DISP1: variants seen among roughly 807,000 people sequenced by gnomAD.
DISP1 encodes the protein dispatched RND transporter family member 1.
A neutral mutation model predicts 37.3 loss-of-function variants in DISP1; 30 were observed. The ratio of observed to expected loss-of-function variants is 0.80; its 90% confidence interval spans 0.60 to 1.09. DISP1 has a LOEUF of 1.09. Among genes scored for constraint, DISP1 ranks in the 50% least tolerant of loss-of-function variants. DISP1 has a pLI of 0.00. For missense variants in DISP1, 1,598 were observed against 1,879.5 expected, an observed-to-expected ratio of 0.85 and a Z score of 2.77; for synonymous variants, 634 against 690.2, an observed-to-expected ratio of 0.92 and a Z score of 1.28.
intron 3 of DISP1, among the ~76,000 whole-genome samples, chr1:222,981,651 G>A (rs1677847833): frequency 6.6e-6 from 1 of 152,186 alleles, no homozygotes; most frequent in South Asian, 2.1e-4. Context: ...AATGTAAATG[G>A]AGAGAGAAAA....
In DISP1 at chr1:222,982,730, G is replaced by A. The variant is rs566883919; in HGVS notation, c.510-350G>A. ...GAAGCAGCTTAGATTGGAGACTGAGGGATGTGGATTCCTGTTAGGGGAGAG... is the reference window on the plus strand; with the variant it reads ...GAAGCAGCTTAGATTGGAGACTGAGAGATGTGGATTCCTGTTAGGGGAGAG... On this transcript the variant is annotated intron_variant, in intron 3 of 8. Coordinates refer to ENST00000675850, the MANE Select transcript of DISP1 (RefSeq NM_001377229.1). Among the ~76,000 whole-genome samples, 134 of 152,248 alleles carry A rather than the reference G, an allele frequency of 8.8e-4. 1 individual carries two copies. The highest frequency in any genetic ancestry group is 1.5e-3 in the Non-Finnish European group (103 of 67,998).
At chr1:222,924,177 A>AT (rs930006287) in intron 1 of DISP1, among the ~76,000 whole-genome samples, 16 of 151,978 alleles carry the variant, frequency 1.1e-4, no homozygotes, top group Admixed American at 2.6e-4. Context: ...CATCCCTTGA[A>AT]TTTTTTTTGT....
At chr1:222,974,799 G>A (rs1275831173) in intron 3 of DISP1, among the ~76,000 whole-genome samples, 1 of 152,210 alleles carries the variant, frequency 6.6e-6, no homozygotes, top group African/African-American at 2.4e-5. Flanking sequence ...GAGCCCAAGT[G>A]TGCCAGTGAT....
intron 1 of DISP1, among the ~76,000 whole-genome samples, chr1:222,918,212 C>T (rs1672603438): frequency 6.6e-6 from 1 of 152,152 alleles, no homozygotes; most frequent in Non-Finnish European, 1.5e-5. Flanking sequence ...CATATTGATT[C>T]CCTCTCCCCA....
At chr1:222,995,033 T>C (rs769551686) in intron 8 of DISP1, 51 bp downstream of exon 8, 7 of 1,407,146 alleles carry the variant, frequency 5.0e-6, no homozygotes, top group South Asian at 1.1e-5. Context: ...GGTTGTATTA[T>C]TGAAACTCCT....
At chr1:222,963,392 T>C (rs1264499457) in intron 3 of DISP1, among the ~76,000 whole-genome samples, 3 of 152,110 alleles carry the variant, frequency 2.0e-5, no homozygotes, top group Admixed American at 6.5e-5. Flanking sequence ...AAACCAGAAA[T>C]ACCATTTGAC....
chr1:222,939,815 A>T (rs1347791337), intron 2 of DISP1, among the ~76,000 whole-genome samples: 5 of 147,068 alleles, frequency 3.4e-5, no homozygotes, highest in African/African-American at 7.6e-5. Flanking sequence ...CCTGGGCAAC[A>T]GATGGAGATC....
At chr1:222,838,641 G>A (rs1667399494) in intron 1 of DISP1, among the ~76,000 whole-genome samples, 1 of 152,156 alleles carries the variant, frequency 6.6e-6, no homozygotes, top group African/African-American at 2.4e-5. Flanking sequence ...GTGCATTGGT[G>A]CATGTCTGTA....
At chr1:222,838,928 A>G (rs913681834) in intron 1 of DISP1, among the ~76,000 whole-genome samples, 1 of 151,818 alleles carries the variant, frequency 6.6e-6, no homozygotes, top group African/African-American at 2.4e-5. Context: ...TTGTTTTTCT[A>G]TTTGATTTGG....
At chr1:222,988,300 G>A (rs1678421084) in intron 4 of DISP1, among the ~76,000 whole-genome samples, 1 of 152,188 alleles carries the variant, frequency 6.6e-6, no homozygotes, top group South Asian at 2.1e-4. Context: ...TTTGTGGCAA[G>A]TGTAGTTATT....
At chr1:222,970,040 G>A (rs1409818560) in intron 3 of DISP1, among the ~76,000 whole-genome samples, 2 of 152,160 alleles carry the variant, frequency 1.3e-5, no homozygotes, top group Admixed American at 6.5e-5. Context: ...TTCTGAGATA[G>A]TAAATGAGAA....
At chr1:222,857,106 A>T (rs911196457) in intron 1 of DISP1, among the ~76,000 whole-genome samples, 4 of 152,162 alleles carry the variant, frequency 2.6e-5, no homozygotes, top group Non-Finnish European at 4.4e-5. Context: ...TTGCATTTTA[A>T]AATGTCTTAA....
At chr1:222,982,928 A>G (rs1677940748) in intron 3 of DISP1, 152 bp from the exon 4 acceptor site, 7 of 661,524 alleles carry the variant, frequency 1.1e-5, no homozygotes, top group African/African-American at 6.2e-5. Flanking sequence ...AAATCTCTCA[A>G]ATAGATTGCC....
chr1:222,937,132 C>T (rs1045733636), intron 2 of DISP1, among the ~76,000 whole-genome samples: 1 of 144,816 alleles, frequency 6.9e-6, no homozygotes, highest in Non-Finnish European at 1.5e-5. Flanking sequence ...CTCTGTCGCC[C>T]AGGCTGGAGT....
intron 1 of DISP1, among the ~76,000 whole-genome samples, chr1:222,901,390 A>G (rs2125404951): frequency 6.6e-6 from 1 of 152,360 alleles, no homozygotes; most frequent in Middle Eastern, 3.4e-3. Context: ...AATAGATGAC[A>G]AAGGCAATGG....
At position 223,002,676 on chromosome 1, in the gene DISP1, A is replaced by G; in HGVS notation, c.1279A>G (p.Ile427Val). 6.2e-7 allele frequency: 1 copy of G among 1,614,146 alleles called. No homozygotes were observed. Among genetic ancestry groups the G allele is most frequent in the Non-Finnish European group, 8.5e-7 (1 of 1,180,040 alleles). Residue 427 changes from isoleucine to valine, a missense_variant, in exon 9 of 9, where the codon ATC becomes GTC. Transcript: ENST00000675850. ...TACCAAGTACAATGCTGTGTACCAGATCCTCCATTACTTGGTGGACAAAGA... is the reference window on the plus strand; with the variant it reads ...TACCAAGTACAATGCTGTGTACCAGGTCCTCCATTACTTGGTGGACAAAGA... ...KCTKYNAVYQ[I>V]LHYLVDKDFM...
chr1:222,963,697 T>C (rs542160568), intron 3 of DISP1, among the ~76,000 whole-genome samples: 90 of 151,056 alleles, frequency 6.0e-4, no homozygotes, highest in African/African-American at 2.1e-3. Flanking sequence ...TTCTCACTCA[T>C]AAATGGGAGT....
intron 2 of DISP1, among the ~76,000 whole-genome samples, chr1:222,939,267 A>G (rs1438749902): frequency 3.3e-5 from 5 of 151,974 alleles, no homozygotes; most frequent in Admixed American, 1.3e-4. Flanking sequence ...ATAAGAATCT[A>G]TTTAACTCTT....
Position 223,003,116 on chromosome 1 carries a change from T to C in DISP1, c.1719T>C (p.Asp573=). Residue 573 remains aspartate (D), a synonymous_variant, in exon 9 of 9, where the codon GAT becomes GAC. Coordinates refer to ENST00000675850, the MANE Select transcript of DISP1 (RefSeq NM_001377229.1). The surrounding 1 kb of genome is among the most constrained non-coding windows in gnomAD (Gnocchi z 4.3). ...LIILVGIGAD[D]AFVLCDVWNY... is the part of the protein sequence containing the mutation. The stretch of plus-strand genomic sequence containing the variant: ...TTTTGGTTGGAATTGGAGCAGATGA[T>C]GCTTTTGTCCTGTGTGATGTTTGGA... 1.2e-6 allele frequency: 2 copies of C among 1,614,238 alleles called. No homozygotes were observed. Among genetic ancestry groups the C allele is most frequent in the Non-Finnish European group, 1.7e-6 (2 of 1,180,040 alleles).
Sources: allele counts gnomAD v4.1 joint callset (sites outside exome capture counted in the v4.1 genomes callset), GRCh38; gene constraint gnomAD v4.1.1; non-coding constraint Gnocchi (gnomAD v3.1); transcripts MANE v1.5; gene names NCBI Gene and HGNC (gene_info 2026-07-23, HGNC 2026-07-21).